Variants in SAMD3 observed in about 807,000 individuals in gnomAD.
The protein encoded by SAMD3 is sterile alpha motif domain-containing protein 3.
A neutral mutation model predicts 58.5 loss-of-function variants in SAMD3; 63 were observed. That is an observed-to-expected ratio of 1.08 (90% CI 0.88 to 1.33). The LOEUF (loss-of-function observed/expected upper bound fraction) is 1.33. SAMD3 is among the 40% of genes most tolerant of loss of function. The probability of loss-of-function intolerance (pLI) is 0.00; values close to 1 mark genes in which losing one functional copy is unlikely to be tolerated. For missense variants in SAMD3, 604 were observed against 608.4 expected (o/e 0.99, Z 0.08); for synonymous variants, 220 against 210.3 (o/e 1.05, Z -0.40).
intron 2 of SAMD3, among the ~76,000 whole-genome samples, chr6:130,305,560 T>C (rs560456067): frequency 5.3e-5 from 8 of 152,312 alleles, no homozygotes; most frequent in African/African-American, 1.7e-4. Context: ...ATTCCCTTTT[T>C]CATGTTATGA....
chr6:130,185,363 T>C (rs1313077002), intron 5 of SAMD3, among the ~76,000 whole-genome samples: 2 of 152,192 alleles, frequency 1.3e-5, no homozygotes, highest in African/African-American at 4.8e-5. Flanking sequence ...GGAGTCTCAC[T>C]CTGTCGCCAG....
chr6:130,354,773 A>C (rs1431850265), intron 1 of SAMD3, among the ~76,000 whole-genome samples: 1 of 152,140 alleles, frequency 6.6e-6, no homozygotes, highest in Non-Finnish European at 1.5e-5. Flanking sequence ...CTATATAACA[A>C]ACCTGCACAT....
intron 5 of SAMD3, among the ~76,000 whole-genome samples, chr6:130,185,778 G>A (rs1332967970): frequency 1.3e-5 from 2 of 151,954 alleles, no homozygotes; most frequent in Non-Finnish European, 2.9e-5. Context: ...CTACAGGCAC[G>A]TGCCACCATG....
chr6:130,223,393 G>A (rs534558777), upstream of SAMD3, among the ~76,000 whole-genome samples: 1 of 152,320 alleles, frequency 6.6e-6, no homozygotes, highest in African/African-American at 2.4e-5. Flanking sequence ...GTACGTGATA[G>A]TGCAGGTGAT....
chr6:130,273,546 C>T (rs1185963663), intron 2 of SAMD3, among the ~76,000 whole-genome samples: 1 of 151,712 alleles, frequency 6.6e-6, no homozygotes. Flanking sequence ...TTGTTTCCTG[C>T]TTTGTAGTTC....
intron 5 of SAMD3, among the ~76,000 whole-genome samples, chr6:130,202,566 C>G (rs1794733771): frequency 6.6e-6 from 1 of 152,080 alleles, no homozygotes; most frequent in Non-Finnish European, 1.5e-5. Flanking sequence ...GGTAAGGAAT[C>G]TTTAAATAAG....
At position 130,144,756 on chromosome 6, in the gene SAMD3, C is replaced by G. The variant is rs61737599; in HGVS notation, c.1327G>C (p.Glu443Gln). The G allele has an allele frequency of 3.1e-6, 5 of 1,613,968 alleles. No individual in the cohort carries two copies. Among genetic ancestry groups the G allele is most frequent in the Non-Finnish European group, 4.2e-6 (5 of 1,179,960 alleles). ...AAATATAAAGAAAATTCGCAGACCT[C>G]CATGTTGAAAGGGTTTTTAACTTCC... is the stretch of plus-strand genomic sequence containing the variant. The part of the protein sequence containing the change: ...VLEVKNPFNM[E>Q]VCEFSLYLER... Residue 443 changes from glutamate (E) to glutamine (Q), a missense_variant, in exon 12 of 12, where the codon GAG becomes CAG. By Grantham distance (29) the Glu-to-Gln change is conservative. Transcript: ENST00000439090.
chr6:130,243,627 A>G (rs1431430734), intron 2 of SAMD3, among the ~76,000 whole-genome samples: 1 of 152,228 alleles, frequency 6.6e-6, no homozygotes, highest in Non-Finnish European at 1.5e-5. Flanking sequence ...CTAAAATTTG[A>G]CCTGAGTTCT....
At chr6:130,281,112 G>T (rs1289092332) in intron 2 of SAMD3, among the ~76,000 whole-genome samples, 1 of 138,536 alleles carries the variant, frequency 7.2e-6, no homozygotes, top group African/African-American at 2.6e-5. Flanking sequence ...TGCAAATTAT[G>T]TGAATGTGTC....
chr6:130,153,801 A>G (rs1222571154), intron 9 of SAMD3, among the ~76,000 whole-genome samples: 1 of 151,668 alleles, frequency 6.6e-6, no homozygotes, highest in Non-Finnish European at 1.5e-5. Flanking sequence ...TTAGCCTCCC[A>G]GAATAGTTGG....
chr6:130,207,589 C>A (rs1286583776), intron 5 of SAMD3, among the ~76,000 whole-genome samples: 1 of 152,098 alleles, frequency 6.6e-6, no homozygotes, highest in African/African-American at 2.4e-5. Context: ...ACTACATGCA[C>A]CTGGAGCCAA....
chr6:130,271,811 C>A (rs143683189), intron 2 of SAMD3, among the ~76,000 whole-genome samples: 8 of 152,142 alleles, frequency 5.3e-5, no homozygotes, highest in Non-Finnish European at 2.9e-5. Flanking sequence ...GAAGAGCTAA[C>A]GAACATCTTA....
chr6:130,150,350 T>C (rs1229552484), intron 9 of SAMD3, among the ~76,000 whole-genome samples: 1 of 152,160 alleles, frequency 6.6e-6, no homozygotes, highest in Non-Finnish European at 1.5e-5. Context: ...GCATCCAGCA[T>C]ACAGTGCAGT....
intron 2 of SAMD3, among the ~76,000 whole-genome samples, chr6:130,248,966 G>A (rs991257575): frequency 6.6e-6 from 1 of 152,128 alleles, no homozygotes; most frequent in African/African-American, 2.4e-5. Context: ...TTGTCTCACC[G>A]AGCGTCTGGT....
At chr6:130,153,170 G>T (rs774767500) in intron 9 of SAMD3, among the ~76,000 whole-genome samples, 1 of 150,848 alleles carries the variant, frequency 6.6e-6, no homozygotes, top group Admixed American at 6.7e-5. Context: ...TAGACCGTAA[G>T]TTTGACAGGC....
chr6:130,172,938 G>A (rs996566329), intron 8 of SAMD3, among the ~76,000 whole-genome samples: 1 of 152,084 alleles, frequency 6.6e-6, no homozygotes, highest in Non-Finnish European at 1.5e-5. Flanking sequence ...TTTTCTTCAT[G>A]CCTTATTTCA....
At chr6:130,191,471 A>C (rs527892688) in intron 5 of SAMD3, among the ~76,000 whole-genome samples, 1 of 152,236 alleles carries the variant, frequency 6.6e-6, no homozygotes, top group South Asian at 2.1e-4. Flanking sequence ...CCCCTTTTGG[A>C]GCTATTGAGT....
intron 2 of SAMD3, among the ~76,000 whole-genome samples, chr6:130,265,055 TG>T (rs1433618157): frequency 1.3e-5 from 2 of 152,212 alleles, no homozygotes; most frequent in Non-Finnish European, 2.9e-5. Flanking sequence ...AGTACCCCCA[TG>T]CTGTGGTGAC....
chr6:130,349,888 T>G (rs1203651327), intron 1 of SAMD3, among the ~76,000 whole-genome samples: 1 of 152,176 alleles, frequency 6.6e-6, no homozygotes, highest in African/African-American at 2.4e-5. Flanking sequence ...CAAGTGGGCT[T>G]CATCCCTGGG....
Sources: allele counts gnomAD v4.1 joint callset (sites outside exome capture counted in the v4.1 genomes callset), GRCh38; gene constraint gnomAD v4.1.1; transcripts MANE v1.5; gene names NCBI Gene and HGNC (gene_info 2026-07-23, HGNC 2026-07-21).